GALNT13: variants seen among roughly 807,000 people sequenced by gnomAD.
The protein encoded by GALNT13 is UDP-GalNAc:polypeptide N-acetylgalactosaminyltransferase 13.
Under a neutral mutation model 64.2 loss-of-function variants are expected in GALNT13, and 28 were observed. The ratio of observed to expected loss-of-function variants is 0.44; its 90% CI spans 0.32 to 0.60. The LOEUF (loss-of-function observed/expected upper bound fraction) is 0.60, where lower values mean the gene tolerates loss of function less well. GALNT13 is among the 20% of genes least tolerant of loss of function. The pLI, the probability that GALNT13 is intolerant of heterozygous loss-of-function variation, is 0.05. For missense variants in GALNT13, 577 were observed against 669.8 expected, an observed-to-expected ratio of 0.86 and a Z score of 1.53; for synonymous variants, 214 against 224.6, an observed-to-expected ratio of 0.95 and a Z score of 0.42.
intron 3 of GALNT13, among the ~76,000 whole-genome samples, chr2:153,996,732 A>G (rs1441117152): frequency 6.6e-5 from 10 of 152,158 alleles, no homozygotes; most frequent in Non-Finnish European, 1.5e-4. Flanking sequence ...GATCTATCTG[A>G]AAAATTCTTC....
chr2:153,242,997 G>T, the GALNT13 span, among the ~76,000 whole-genome samples: 1 of 152,222 alleles, frequency 6.6e-6, no homozygotes, highest in East Asian at 1.9e-4. Context: ...AGAGTTTTCA[G>T]TCTTGGTGTG....
At chr2:153,290,170 T>C in the GALNT13 span, among the ~76,000 whole-genome samples, 1 of 152,198 alleles carries the variant, frequency 6.6e-6, no homozygotes, top group South Asian at 2.1e-4. Context: ...TTCAATAGAT[T>C]GCTTTGTTCA....
At chr2:153,585,650 A>G in the GALNT13 span, among the ~76,000 whole-genome samples, 1 of 152,158 alleles carries the variant, frequency 6.6e-6, no homozygotes, top group African/African-American at 2.4e-5. Flanking sequence ...CTGAAGTCAA[A>G]TTGAAAGAAT....
the GALNT13 span, among the ~76,000 whole-genome samples, chr2:153,118,145 ACCC>A: frequency 3.4e-5 from 5 of 147,352 alleles, no homozygotes; most frequent in South Asian, 2.1e-4. Flanking sequence ...ACACACACAC[ACCC>A]CACATAAACC....
chr2:153,674,088 G>A, the GALNT13 span, among the ~76,000 whole-genome samples: 12 of 152,312 alleles, frequency 7.9e-5, no homozygotes, highest in East Asian at 1.5e-3. Context: ...TATGCTCATG[G>A]ATAGGAAGAG....
At chr2:153,076,153 G>A in the GALNT13 span, among the ~76,000 whole-genome samples, 1 of 152,156 alleles carries the variant, frequency 6.6e-6, no homozygotes, top group Non-Finnish European at 1.5e-5. Context: ...GAAAGGCTAA[G>A]TGAAGTTGTA....
intron 3 of GALNT13, among the ~76,000 whole-genome samples, chr2:154,065,747 C>G (rs915654420): frequency 3.3e-5 from 5 of 152,062 alleles, no homozygotes. Flanking sequence ...GGAAGTCTTC[C>G]CTAAAAGGAC....
the GALNT13 span, among the ~76,000 whole-genome samples, chr2:153,466,276 G>A: frequency 1.7e-3 from 257 of 151,896 alleles, no homozygotes; most frequent in African/African-American, 5.9e-3. Context: ...TTACTACTTC[G>A]GGTTGTACTA....
chr2:153,715,611 G>C, the GALNT13 span, among the ~76,000 whole-genome samples: 1 of 152,200 alleles, frequency 6.6e-6, no homozygotes, highest in African/African-American at 2.4e-5. Context: ...TCTTTGGCAT[G>C]TACTACTTGT....
At chr2:153,821,519 C>G in the GALNT13 span, among the ~76,000 whole-genome samples, 3 of 152,008 alleles carry the variant, frequency 2.0e-5, no homozygotes, top group African/African-American at 7.2e-5. Flanking sequence ...AGGCAGAAAT[C>G]AAAAAATTCT....
At chr2:154,359,446 C>T (rs1432328142) in intron 9 of GALNT13, among the ~76,000 whole-genome samples, 3 of 152,028 alleles carry the variant, frequency 2.0e-5, no homozygotes, top group Admixed American at 6.6e-5. Flanking sequence ...CTGCCTGTAG[C>T]GATGGTTCCT....
chr2:154,147,908 T>C (rs927406148), intron 4 of GALNT13, among the ~76,000 whole-genome samples: 5 of 151,760 alleles, frequency 3.3e-5, no homozygotes, highest in Non-Finnish European at 7.4e-5. Context: ...GGGATTTTGC[T>C]TTTATTTTTT....
intron 8 of GALNT13, among the ~76,000 whole-genome samples, chr2:154,298,590 ATATATACAATGTATATATTAATT>A (rs1559075577): frequency 8.3e-4 from 6 of 7,206 alleles, no homozygotes; most frequent in African/African-American, 1.7e-3. Flanking sequence ...TATATAATTT[ATATATACAATGTATATATTAATT>A]TATATATACA....
At chr2:153,848,494 AAATT>A in the GALNT13 span, among the ~76,000 whole-genome samples, 43,885 of 151,880 alleles carry the variant, frequency 0.29, 6,863 homozygotes, top group Middle Eastern at 0.43. Flanking sequence ...ATATGAGTAG[AAATT>A]AATGACTCAG....
the GALNT13 span, among the ~76,000 whole-genome samples, chr2:153,117,559 G>T: frequency 2.0e-5 from 3 of 152,144 alleles, no homozygotes; most frequent in Non-Finnish European, 4.4e-5. Context: ...CAACTTGATG[G>T]ATACACCCAT....
At chr2:153,991,697 T>C (rs1186194896) in intron 3 of GALNT13, among the ~76,000 whole-genome samples, 1 of 152,150 alleles carries the variant, frequency 6.6e-6, no homozygotes, top group Non-Finnish European at 1.5e-5. Flanking sequence ...ACAGGGACAA[T>C]AGTATGAAAT....
At chr2:154,376,910 AT>A (rs1050366462) in intron 9 of GALNT13, among the ~76,000 whole-genome samples, 1 of 152,138 alleles carries the variant, frequency 6.6e-6, no homozygotes, top group African/African-American at 2.4e-5. Context: ...AAATTAATAA[AT>A]ATATAATCCC....
At chr2:153,765,839 G>T in the GALNT13 span, among the ~76,000 whole-genome samples, 1 of 152,148 alleles carries the variant, frequency 6.6e-6, no homozygotes, top group African/African-American at 2.4e-5. Flanking sequence ...ATTGTAGTCA[G>T]TAAGTCTCAT....
the GALNT13 span, among the ~76,000 whole-genome samples, chr2:153,665,192 A>G: frequency 3.9e-5 from 6 of 152,228 alleles, no homozygotes; most frequent in African/African-American, 1.4e-4. Flanking sequence ...AGAATGGAGA[A>G]TATCTCCTGA....
Sources: allele counts gnomAD v4.1 joint callset (sites outside exome capture counted in the v4.1 genomes callset), GRCh38; gene constraint gnomAD v4.1.1; transcripts MANE v1.5; gene names NCBI Gene and HGNC (gene_info 2026-07-23, HGNC 2026-07-21).